SAMD5: variants seen among roughly 807,000 people sequenced by gnomAD.
The protein encoded by SAMD5 is sterile alpha motif domain-containing protein 5.
SAMD5 carries 13 observed loss-of-function variants against 11.3 expected under a neutral mutation model. That is an observed-to-expected ratio of 1.15 (90% CI 0.75 to 1.83). SAMD5 has a LOEUF of 1.83. Ranked by LOEUF, SAMD5 falls within the 40% of genes most tolerant of loss-of-function variation. The pLI, the probability that SAMD5 is intolerant of heterozygous loss-of-function variation, is 0.00. For missense variants in SAMD5, 255 were observed against 239.1 expected (o/e 1.07, Z -0.44); for synonymous variants, 129 against 111.3 (o/e 1.16, Z -1.00).
intron 1 of SAMD5, among the ~76,000 whole-genome samples, chr6:147,516,663 G>A (rs1788175933): frequency 6.6e-6 from 1 of 152,174 alleles, no homozygotes; most frequent in African/African-American, 2.4e-5. Context: ...AAAAACCCTA[G>A]AGGCCTGCAC....
chr6:147,923,007 G>A, the SAMD5 span, among the ~76,000 whole-genome samples: 22 of 151,680 alleles, frequency 1.5e-4, no homozygotes, highest in African/African-American at 4.1e-4. Flanking sequence ...TGCCACTGCC[G>A]CGAATAACAT....
the SAMD5 span, among the ~76,000 whole-genome samples, chr6:147,815,011 T>C: frequency 6.6e-6 from 1 of 152,148 alleles, no homozygotes; most frequent in Non-Finnish European, 1.5e-5. Context: ...GGCTTTGCAT[T>C]GAAAGGGACA....
chr6:147,597,814 A>T (rs1266983473), intron 1 of SAMD5, among the ~76,000 whole-genome samples: 1 of 152,178 alleles, frequency 6.6e-6, no homozygotes. Flanking sequence ...AGGAATCACC[A>T]GGGAGTCACG....
chr6:147,654,474 C>T (rs1486200045), intron 1 of SAMD5, among the ~76,000 whole-genome samples: 1 of 152,142 alleles, frequency 6.6e-6, no homozygotes, highest in Non-Finnish European at 1.5e-5. Flanking sequence ...CAGTGACTCT[C>T]AGGAATTTCA....
intron 1 of SAMD5, among the ~76,000 whole-genome samples, chr6:147,660,530 G>C (rs1013989969): frequency 6.6e-6 from 1 of 152,158 alleles, no homozygotes; most frequent in Non-Finnish European, 1.5e-5. Context: ...TTGGCTCTGT[G>C]TCCCTGCCAA....
chr6:147,804,468 C>T, the SAMD5 span, among the ~76,000 whole-genome samples: 1 of 152,166 alleles, frequency 6.6e-6, no homozygotes, highest in Admixed American at 6.5e-5. Context: ...ACAAAGTCCT[C>T]CCCATCTTTG....
the SAMD5 span, among the ~76,000 whole-genome samples, chr6:147,880,720 C>A: frequency 1.3e-4 from 20 of 152,140 alleles, no homozygotes; most frequent in Non-Finnish European, 2.8e-4. Flanking sequence ...TGTTCTCTGT[C>A]TCCTGGGCAG....
At chr6:147,630,597 C>T (rs972749552) in intron 1 of SAMD5, among the ~76,000 whole-genome samples, 2 of 151,454 alleles carry the variant, frequency 1.3e-5, no homozygotes, top group Non-Finnish European at 2.9e-5. Flanking sequence ...CTGTAATTTT[C>T]CATTACCCAC....
the SAMD5 span, among the ~76,000 whole-genome samples, chr6:147,926,943 T>C: frequency 6.6e-6 from 1 of 152,208 alleles, no homozygotes; most frequent in African/African-American, 2.4e-5. Context: ...AGCCATTGCT[T>C]GTTTTTGTCA....
At chr6:147,583,842 C>CACACACACACACACACACACACACAA (rs1404993117) in intron 1 of SAMD5, among the ~76,000 whole-genome samples, 1 of 151,642 alleles carries the variant, frequency 6.6e-6, no homozygotes, top group South Asian at 2.1e-4. Context: ...CACACACACA[C>CACACACACACACACACACACACACAA]AAAATGGCTA....
chr6:147,713,455 TATCTTAGG>T (rs1791426628), intron 1 of SAMD5, among the ~76,000 whole-genome samples: 1 of 152,176 alleles, frequency 6.6e-6, no homozygotes, highest in Non-Finnish European at 1.5e-5. Context: ...ACCTCCTCAT[TATCTTAGG>T]ATGTTGCATT....
the SAMD5 span, among the ~76,000 whole-genome samples, chr6:147,778,892 T>C: frequency 5.3e-5 from 8 of 152,072 alleles, no homozygotes; most frequent in African/African-American, 1.9e-4. Context: ...AAGTGGAAGA[T>C]ACAGTGTCTG....
At chr6:147,771,722 C>T in the SAMD5 span, among the ~76,000 whole-genome samples, 1 of 152,190 alleles carries the variant, frequency 6.6e-6, no homozygotes, top group East Asian at 1.9e-4. Context: ...CACTCTCTCC[C>T]TGGGTCACTG....
In SAMD5 at chr6:147,675,635, TGGTA is replaced by T. The variant is rs1583134882; in HGVS notation, c.163-61681_163-61678del. Among the ~76,000 whole-genome samples, 4 of 152,342 alleles carry T rather than the reference TGGTA, an allele frequency of 2.6e-5. No homozygotes were observed. The East Asian group carries it at 7.7e-4, about 29-fold the overall frequency. Reference sequence around the variant, plus strand: ...ATTTATTTTAATTGAAACGTATACATGGTATATGTCATTAAGGCCTCACTCTTAA... The same window carrying T: ...ATTTATTTTAATTGAAACGTATACATTATGTCATTAAGGCCTCACTCTTAA... On this transcript the variant is annotated intron_variant, in intron 1 of 1. Transcript: ENST00000566741.
rs114561681 is a variant in SAMD5, at chr6:147,637,103, C to T, written c.163-100214C>T. The stretch of plus-strand genomic sequence containing the variant: ...CCCGTGGAGCTCACATGGGTTCACA[C>T]GGCACAGAATAGCCCAAGTGTTAGA... On this transcript the variant is annotated intron_variant, in intron 1 of 1. Transcript: ENST00000566741. Among the ~76,000 whole-genome samples the T allele has an allele frequency of 5.3e-3, 810 of 152,184 alleles. 4 individuals are homozygous for T. Among genetic ancestry groups the T allele is most frequent in the African/African-American group, 0.019 (776 of 41,502 alleles).
chr6:147,590,484 C>T (rs1014981180), intron 1 of SAMD5, among the ~76,000 whole-genome samples: 5 of 152,186 alleles, frequency 3.3e-5, no homozygotes, highest in African/African-American at 1.2e-4. Context: ...ATGATCTCAG[C>T]TCACTGCAAC....
At chr6:147,781,724 C>T in the SAMD5 span, among the ~76,000 whole-genome samples, 4 of 149,722 alleles carry the variant, frequency 2.7e-5, no homozygotes, top group Non-Finnish European at 4.4e-5. Context: ...ATTAGTATAT[C>T]TACTATAGTA....
At chr6:147,753,724 C>A in the SAMD5 span, among the ~76,000 whole-genome samples, 1 of 151,956 alleles carries the variant, frequency 6.6e-6, no homozygotes, top group African/African-American at 2.4e-5. Flanking sequence ...CCCTTCCCAG[C>A]CTCTGTAACC....
In SAMD5 at chr6:147,568,590, A is replaced by G. The variant is rs1179263389; in HGVS notation, c.*4134A>G. 1.0e-6 allele frequency: 1 copy of G among 985,436 alleles called. No individual in the cohort carries two copies. The highest frequency in any genetic ancestry group is 5.2e-4 in the Middle Eastern group (1 of 1,914). 61.0% of individuals were successfully genotyped at this position (985,436 alleles called of 1,614,324 possible). A position where few individuals can be genotyped will look rare whatever the true frequency, so the allele number is the denominator to read the frequency against. ...AAGTACAAAGTATTAGGAATTTTTT[A>G]TATCAGCTGACATCTTGTGCTTACA... is the stretch of plus-strand genomic sequence containing the variant. On this transcript the variant is annotated 3_prime_UTR_variant, in exon 2 of 2. Transcript: ENST00000367474.
Sources: allele counts gnomAD v4.1 joint callset (sites outside exome capture counted in the v4.1 genomes callset), GRCh38; gene constraint gnomAD v4.1.1; transcripts MANE v1.5; gene names NCBI Gene and HGNC (gene_info 2026-07-23, HGNC 2026-07-21).